OTOG: variants seen among roughly 807,000 people sequenced by gnomAD.
OTOG encodes otogelin.
Under a neutral mutation model 313.8 loss-of-function variants are expected in OTOG, and 296 were observed. That is an observed-to-expected ratio of 0.94 (90% CI 0.86 to 1.04). The LOEUF is 1.04. OTOG is among the 50% of genes least tolerant of loss of function. OTOG has a pLI of 0.00. For missense variants in OTOG, 3,948 were observed against 3,840.1 expected (o/e 1.03, Z -0.74); for synonymous variants, 1,533 against 1,554.9 (o/e 0.99, Z 0.33).
Position 17,572,090 on chromosome 11 carries a change from G to A in OTOG, c.1966G>A (p.Gly656Ser). 1.3e-6 allele frequency: 2 copies of A among 1,550,376 alleles called. No individual in the cohort carries two copies. The highest frequency in any genetic ancestry group is 1.7e-6 in the Non-Finnish European group (2 of 1,146,930). ...GTGACATGGCTGCAGGTCTCCAGTGGGTGTACCTGAGAGCACCCCACAACT... is the reference window on the plus strand; with the variant it reads ...GTGACATGGCTGCAGGTCTCCAGTGAGTGTACCTGAGAGCACCCCACAACT... ...NTQDDFLSPVGVPESTPQLFG... is the reference protein window; with the variant it reads ...NTQDDFLSPVSVPESTPQLFG... The change falls in exon 18 of 56, where the codon GGT (glycine) becomes AGT (serine). Residue 656 changes from glycine to serine, a missense_variant. Transcript: ENST00000399397.
In OTOG at chr11:17,642,718, CAG is replaced by C. The variant is rs549620070; in HGVS notation, c.8415+476_8415+477del. On this transcript the variant is annotated intron_variant, in intron 53 of 55. Coordinates refer to ENST00000399397, the MANE Select transcript of OTOG (RefSeq NM_001292063.2). ...GACAACTGTCAGTATGGGCGCACCT[CAG>C]AGAAAAGGATTTCCTGGAAGGCTTG... 2.2e-4 allele frequency among the ~76,000 whole-genome samples: 34 copies of C among 152,304 alleles called. No homozygotes were observed. The South Asian group carries it at 7.0e-3, about 32-fold the overall frequency.
Position 17,633,813 on chromosome 11 carries a change from C to T in OTOG, c.7206C>T (p.Cys2402=), listed in dbSNP as rs747700021. The T allele has an allele frequency of 1.9e-6, 3 of 1,550,282 alleles. No homozygotes were observed. The South Asian group carries it at 3.6e-5, about 18-fold the overall frequency. The part of the protein sequence containing the change: ...HCQVLGEGCV[C]SEGTILHRRH... ...AGGTGCTGGGCGAGGGCTGCGTCTGCTCCGAGGGCACCATCTTACACCGGC... is the reference window on the plus strand; with the variant it reads ...AGGTGCTGGGCGAGGGCTGCGTCTGTTCCGAGGGCACCATCTTACACCGGC... The change falls in exon 43 of 56, where the codon TGC becomes TGT. Residue 2402 remains cysteine, a synonymous_variant. Transcript: ENST00000399397.
intron 28 of OTOG, among the ~76,000 whole-genome samples, chr11:17,595,569 C>T (rs1451883823): frequency 6.6e-6 from 1 of 152,158 alleles, no homozygotes; most frequent in Non-Finnish European, 1.5e-5. Context: ...TCTGGAGGCT[C>T]TACTGGGGAA....
rs143117202 is a variant in OTOG, at chr11:17,641,610, TC to T, written c.8191-235del. Reference sequence around the variant, plus strand: ...GGTCTGTCTGGAATAAAAACTGGCATCCTTACTTAGCAGAAATGGCTTGGAA... The same window carrying T: ...GGTCTGTCTGGAATAAAAACTGGCATCTTACTTAGCAGAAATGGCTTGGAA... On this transcript the variant is annotated intron_variant, in intron 51 of 55. Coordinates refer to ENST00000399397, the MANE Select transcript of OTOG (RefSeq NM_001292063.2). 0.023 allele frequency among the ~76,000 whole-genome samples: 3,555 copies of T among 152,272 alleles called. 149 individuals carry two copies. The highest frequency in any genetic ancestry group is 0.082 in the African/African-American group (3,391 of 41,538).
At chr11:17,586,757 A>G (rs1474541742) in intron 24 of OTOG, among the ~76,000 whole-genome samples, 176 bp downstream of exon 24, 1 of 152,204 alleles carries the variant, frequency 6.6e-6, no homozygotes, top group African/African-American at 2.4e-5. Context: ...TATGCATACA[A>G]AGGAATATTT....
At chr11:17,563,928 G>GTTTGAGTAA in intron 15 of OTOG, among the ~76,000 whole-genome samples, 1 of 149,622 alleles carries the variant, frequency 6.7e-6, no homozygotes, top group East Asian at 2.0e-4. Flanking sequence ...AAACTCCTGG[G>GTTTGAGTAA]CTCATGTGAT....
chr11:17,547,995 G>T lies in OTOG; in HGVS notation c.155+8G>T. 1 of 736,952 alleles carries T rather than the reference G, an allele frequency of 1.4e-6. No homozygotes were observed. The highest frequency in any genetic ancestry group is 2.1e-6 in the Non-Finnish European group (1 of 482,904). 45.7% of individuals were successfully genotyped at this position (736,952 alleles called of 1,614,324 possible). ...GCCAGCCGGGCAACCCAGGTGAGTA[G>T]GTGTGAGCTGTGGCGGCCCCACCCA... On this transcript the variant is annotated splice_region_variant and intron_variant, in intron 2 of 55. Transcript: ENST00000399397.
At position 17,560,814 on chromosome 11, in the gene OTOG, C is replaced by T; in HGVS notation, c.1448C>T (p.Thr483Ile). Residue 483 changes from threonine (T) to isoleucine (I), a missense_variant, in exon 13 of 56, where the codon ACT becomes ATT. Thr to Ile is a moderately conservative substitution (Grantham distance 89). Transcript: ENST00000399397. ...PGSVVKEDCN[T>I]CTCTSGKWEC... The stretch of plus-strand genomic sequence containing the variant: ...TCTGTGGTGAAGGAAGACTGCAATA[C>T]TTGGTCTGTGTCTGCTGCCGGGAAG... The T allele has an allele frequency of 6.5e-7, 1 of 1,549,414 alleles. No homozygotes were observed.
At chr11:17,601,881 A>G (rs1853261195) in intron 31 of OTOG, among the ~76,000 whole-genome samples, 1 of 152,084 alleles carries the variant, frequency 6.6e-6, no homozygotes, top group African/African-American at 2.4e-5. Flanking sequence ...AGTGGCTGTA[A>G]TGGTGAAGTT....
Position 17,597,022 on chromosome 11 carries a change from C to T in OTOG, c.3682+15C>T, listed in dbSNP as rs750461358. 1.3e-6 allele frequency: 2 copies of T among 1,549,212 alleles called. No homozygotes were observed. The highest frequency in any genetic ancestry group is 1.2e-5 in the South Asian group (1 of 83,902). On this transcript the variant is annotated intron_variant, in intron 30 of 55. Coordinates refer to ENST00000399397, the MANE Select transcript of OTOG (RefSeq NM_001292063.2). ...CCGCCTCTGCCGTGAGTGTCCCAGA[C>T]AATCACCTGAGGGGACAGAGTAGAG...
intron 23 of OTOG, among the ~76,000 whole-genome samples, chr11:17,583,692 C>A (rs1012336290): frequency 2.0e-5 from 3 of 152,084 alleles, no homozygotes; most frequent in Non-Finnish European, 4.4e-5. Flanking sequence ...TGTCTTCATG[C>A]CAATATCCAC....
chr11:17,609,087 C>A (rs774773020), intron 34 of OTOG, 43 bp from the exon 35 acceptor site: 3 of 1,456,334 alleles, frequency 2.1e-6, no homozygotes, highest in South Asian at 2.5e-5. Context: ...GATGGCCCTG[C>A]CTGTATTTCA....
intron 43 of OTOG, 47 bp downstream of exon 43, chr11:17,633,921 A>G: frequency 6.7e-7 from 1 of 1,493,868 alleles, no homozygotes. Flanking sequence ...AGCCAGCCTC[A>G]GCCTCGCCTC....
In OTOG at chr11:17,612,661, G is replaced by A. The variant is rs1314382019; in HGVS notation, c.6334G>A (p.Asp2112Asn). ...CCCTGACCTGAGCTTCGTGACCTTC[G>A]ATGGGAGCCACGTAGCTCTGTTCAA... ...IFPDLSFVTF[D>N]GSHVALFKEA... The change falls in exon 38 of 56, where the codon GAT becomes AAT. Residue 2112 changes from aspartate (D) to asparagine (N), a missense_variant. Coordinates refer to ENST00000399397, the MANE Select transcript of OTOG (RefSeq NM_001292063.2). 4 of 1,550,530 alleles carry A rather than the reference G, an allele frequency of 2.6e-6. No individual in the cohort carries two copies. The highest frequency in any genetic ancestry group is 3.3e-4 in the Middle Eastern group (2 of 5,992).
chr11:17,550,620 G>C (rs1403238667), intron 3 of OTOG, among the ~76,000 whole-genome samples: 2 of 152,242 alleles, frequency 1.3e-5, no homozygotes, highest in South Asian at 2.1e-4. Flanking sequence ...TGAAGTGGGA[G>C]TGAAGAGTGA....
In OTOG at chr11:17,560,725, T is replaced by TG; in HGVS notation, c.1364dup (p.Cys456LeufsTer6). 1 of 1,550,550 alleles carries TG rather than the reference T, an allele frequency of 6.4e-7. No individual in the cohort carries two copies. On this transcript the variant is annotated frameshift_variant, in exon 13 of 56. Coordinates refer to ENST00000399397, the MANE Select transcript of OTOG (RefSeq NM_001292063.2). LOFTEE classifies it high-confidence loss of function. ...TCACTCTAGGGCTCATCTTCGAGGA[T>TG]GGGGGCTGCGTGGCACCAGCTGAGT... is the stretch of plus-strand genomic sequence containing the variant.
chr11:17,557,323 G>T lies in OTOG; in HGVS notation c.865G>T (p.Gly289Trp). 7 of 1,550,500 alleles carry T rather than the reference G, an allele frequency of 4.5e-6. No homozygotes were observed. In the South Asian group the frequency reaches 8.3e-5, roughly 18 times the overall value. Residue 289 changes from glycine (G) to tryptophan (W), a missense_variant and splice_region_variant, in exon 8 of 56, where the codon GGG becomes TGG. By Grantham distance (184) the Gly-to-Trp change is radical (BLOSUM62 -2). Coordinates refer to ENST00000399397, the MANE Select transcript of OTOG (RefSeq NM_001292063.2). ...CAAGGATGATCTGGTGACCAGCTCT[G>T]GTGAGGGTCAGACAGGTGGCCTCTG... ...DPKDDLVTSS[G>W]KLTDDVVEFV...
At chr11:17,606,749 G>C (rs980459009) in intron 33 of OTOG, among the ~76,000 whole-genome samples, 15 of 152,242 alleles carry the variant, frequency 9.9e-5, no homozygotes, top group African/African-American at 3.6e-4. Flanking sequence ...GGGGGTACCT[G>C]TGTCTGTGGG....
Position 17,557,127 on chromosome 11 carries a change from G to A in OTOG, c.669G>A (p.Leu223=). 1.3e-6 allele frequency: 2 copies of A among 1,550,080 alleles called. No individual in the cohort carries two copies. The highest frequency in any genetic ancestry group is 1.2e-5 in the South Asian group (1 of 84,048). ...GGGATGTGCCCTGCAGGGTCCAACTGCCACATGTCATGGGGAGCGCGCGTC... is the reference window on the plus strand; with the variant it reads ...GGGATGTGCCCTGCAGGGTCCAACTACCACATGTCATGGGGAGCGCGCGTC... ...EVTHGGMRVQ[L]PHVMGSARLQ... The change falls in exon 8 of 56, where the codon CTG becomes CTA. Residue 223 remains leucine, a synonymous_variant. Transcript: ENST00000399397.
Sources: gnomAD v4.1 joint callset for allele counts (sites outside exome capture counted in the v4.1 genomes callset) on GRCh38, gnomAD v4.1.1 for gene constraint, MANE v1.5 for transcripts, NCBI Gene and HGNC (gene_info 2026-07-23, HGNC 2026-07-21) for gene names.